The following USP14 variants were observed in gnomAD, a reference collection of about 807,000 sequenced individuals.
USP14 encodes ubiquitin specific peptidase 14, also known as ubiquitin carboxyl-terminal hydrolase 14.
USP14 carries 38 observed loss-of-function variants against 76.5 expected under a neutral mutation model. The ratio of observed to expected loss-of-function variants is 0.50; its 90% CI spans 0.38 to 0.65. USP14 has a LOEUF of 0.65. Ranked by LOEUF, USP14 falls within the 30% of genes least tolerant of loss-of-function variation. The probability of loss-of-function intolerance (pLI) is 0.00; values close to 1 mark genes in which losing one functional copy is unlikely to be tolerated. For missense variants in USP14, 467 were observed against 586.5 expected, an observed-to-expected ratio of 0.80 and a Z score of 2.10; for synonymous variants, 192 against 191.7, an observed-to-expected ratio of 1.00 and a Z score of -0.01.
At position 188,291 on chromosome 18, in the gene USP14, T is replaced by C. The variant is rs76709408; in HGVS notation, c.405-4551T>C. Among the ~76,000 whole-genome samples the C allele has an allele frequency of 3.3e-5, 5 of 152,302 alleles. No homozygotes were observed. In the East Asian group the frequency reaches 9.6e-4, roughly 29 times the overall value. On this transcript the variant is annotated intron_variant, in intron 5 of 15. Transcript: ENST00000261601. ...AAATAAGAAATACATGTTAAAATTA[T>C]CAAATGTTGTTTGTTGACCTAGTAC...
intron 8 of USP14, 138 bp downstream of exon 8, chr18:197,834 T>C: frequency 1.4e-6 from 1 of 715,424 alleles, no homozygotes; most frequent in Non-Finnish European, 2.2e-6. Flanking sequence ...GCTCAATCTG[T>C]AGTCAGAATT....
At chr18:203,421 G>A (rs1037704637) in intron 12 of USP14, among the ~76,000 whole-genome samples, 1 of 151,706 alleles carries the variant, frequency 6.6e-6, no homozygotes, top group Non-Finnish European at 1.5e-5. Flanking sequence ...CCAAACATCT[G>A]GGTAGGTCTT....
intron 2 of USP14, among the ~76,000 whole-genome samples, chr18:164,006 G>A (rs914223760): frequency 3.3e-5 from 5 of 152,090 alleles, no homozygotes; most frequent in African/African-American, 9.7e-5. Flanking sequence ...ATGATCTCCA[G>A]CTCCATCCAT....
Position 210,318 on chromosome 18 carries a change from G to GT in USP14, c.1226-66dup, listed in dbSNP as rs970582104. The stretch of plus-strand genomic sequence containing the variant: ...TAATGTGAACTTTAGAGTTATTCTT[G>GT]TTACTTAGCTTGAGAAGGCACATGT... On this transcript the variant is annotated intron_variant, in intron 14 of 15. Coordinates refer to ENST00000261601, the MANE Select transcript of USP14 (RefSeq NM_005151.4). 78 of 1,142,936 alleles carry GT rather than the reference G, an allele frequency of 6.8e-5. No homozygotes were observed. The African/African-American group carries it at 1.2e-3, about 17-fold the overall frequency. 70.8% of individuals were successfully genotyped at this position (1,142,936 alleles called of 1,614,324 possible).
rs547097664 is a variant in USP14 at position 183,853 on chromosome 18, A to G, written c.404+3514A>G. 1.4e-3 allele frequency among the ~76,000 whole-genome samples: 212 copies of G among 152,038 alleles called. 2 individuals are homozygous for G. The highest frequency in any genetic ancestry group is 4.9e-3 in the African/African-American group (202 of 41,466). On this transcript the variant is annotated intron_variant, in intron 5 of 15. Transcript: ENST00000261601. Reference sequence around the variant, plus strand: ...AAAGGTTGTGTGCTCATATCATGCAACCATATTCTCTTCCTTATGTCCCAG... The same window carrying G: ...AAAGGTTGTGTGCTCATATCATGCAGCCATATTCTCTTCCTTATGTCCCAG...
intron 3 of USP14, among the ~76,000 whole-genome samples, chr18:169,993 G>A (rs1909397453): frequency 6.6e-6 from 1 of 151,898 alleles, no homozygotes; most frequent in Non-Finnish European, 1.5e-5. Flanking sequence ...AGACAGTATT[G>A]AAATTAGGCC....
intron 10 of USP14, among the ~76,000 whole-genome samples, chr18:201,701 G>A (rs1335099205): frequency 1.3e-5 from 2 of 152,164 alleles, no homozygotes; most frequent in African/African-American, 4.8e-5. Context: ...AGAGTGTGGA[G>A]TGGAGTGCTT....
rs1037518650 is a variant in USP14 at position 158,668 on chromosome 18, C to T, written c.-31C>T. The T allele has an allele frequency of 1.3e-6, 2 of 1,520,304 alleles. No homozygotes were observed. The highest frequency in any genetic ancestry group is 2.0e-5 in the Admixed American group (1 of 50,356). The allele number at this position is 1,520,304 out of a possible 1,614,324, so 94.2% of individuals were successfully genotyped here. A position where few individuals can be genotyped will look rare whatever the true frequency, so the allele number is the denominator to read the frequency against. On this transcript the variant is annotated 5_prime_UTR_variant, in exon 1 of 16. Coordinates refer to ENST00000261601, the MANE Select transcript of USP14 (RefSeq NM_005151.4). ...TGCCGCCCTCGTCAGGCCCAGCTCT[C>T]CTGCGCCGCCGCCTCCCGCCGCGCC...
chr18:205,408 C>G (rs1010932607), intron 13 of USP14, among the ~76,000 whole-genome samples: 3 of 152,186 alleles, frequency 2.0e-5, no homozygotes, highest in Non-Finnish European at 4.4e-5. Context: ...CACAGGGCCA[C>G]TTTTCTTCTG....
Position 211,379 on chromosome 18 carries a change from G to A in USP14, c.*95G>A. 1 of 1,363,300 alleles carries A rather than the reference G, an allele frequency of 7.3e-7. No homozygotes were observed. Among genetic ancestry groups the A allele is most frequent in the Non-Finnish European group, 9.9e-7 (1 of 1,010,630 alleles). 84.5% of individuals were successfully genotyped at this position (1,363,300 alleles called of 1,614,324 possible). A position where few individuals can be genotyped will look rare whatever the true frequency, so the allele number is the denominator to read the frequency against. ...GCTTTAGAGGAAGACACATAGGTGG[G>A]TTTATGTTTCACCTCATTTGGAACA... On this transcript the variant is annotated 3_prime_UTR_variant, in exon 16 of 16. Coordinates refer to ENST00000261601, the MANE Select transcript of USP14 (RefSeq NM_005151.4).
chr18:197,595 T>C lies in USP14; in HGVS notation c.595-21T>C, dbSNP rs368715697. The C allele has an allele frequency of 6.9e-6, 11 of 1,592,352 alleles. No individual in the cohort carries two copies. The African/African-American group carries it at 9.4e-5, about 14-fold the overall frequency. ...TCATTCACTGCCAGGATTACTTACTTTGTCTTTTTTTACATTACAGGATGC... is the reference window on the plus strand; with the variant it reads ...TCATTCACTGCCAGGATTACTTACTCTGTCTTTTTTTACATTACAGGATGC... On this transcript the variant is annotated intron_variant, in intron 7 of 15. Coordinates refer to ENST00000261601, the MANE Select transcript of USP14 (RefSeq NM_005151.4).
Position 191,525 on chromosome 18 carries a change from A to G in USP14, c.405-1317A>G, listed in dbSNP as rs576748458. Among the ~76,000 whole-genome samples the G allele has an allele frequency of 8.5e-5, 13 of 152,356 alleles. No homozygotes were observed. In the South Asian group the frequency reaches 2.7e-3, roughly 32 times the overall value. On this transcript the variant is annotated intron_variant, in intron 5 of 15. Coordinates refer to ENST00000261601, the MANE Select transcript of USP14 (RefSeq NM_005151.4). Reference sequence around the variant, plus strand: ...GTAATCCATTTGCCTATCAAAGTATAGAACATTTCTATCATCTCAGAAAAT... The same window carrying G: ...GTAATCCATTTGCCTATCAAAGTATGGAACATTTCTATCATCTCAGAAAAT...
intron 13 of USP14, 143 bp downstream of exon 13, chr18:204,835 A>G: frequency 1.1e-6 from 1 of 883,306 alleles, no homozygotes; most frequent in South Asian, 1.9e-5. Context: ...TCTGTATTAC[A>G]ATTAGCAGGT....
At chr18:188,396 T>G (rs1469210963) in intron 5 of USP14, among the ~76,000 whole-genome samples, 2 of 152,102 alleles carry the variant, frequency 1.3e-5, no homozygotes, top group Admixed American at 6.5e-5. Flanking sequence ...CCTGATACAT[T>G]CGTATTCTTT....
chr18:202,076 A>G (rs1231756812), intron 10 of USP14, among the ~76,000 whole-genome samples: 1 of 152,230 alleles, frequency 6.6e-6, no homozygotes, highest in Non-Finnish European at 1.5e-5. Flanking sequence ...AAACATTACC[A>G]GTAGGTTATT....
chr18:209,372 GT>G (rs898046938), intron 13 of USP14, among the ~76,000 whole-genome samples: 22 of 152,144 alleles, frequency 1.4e-4, no homozygotes, highest in African/African-American at 5.3e-4. Context: ...AAAGAACTTT[GT>G]GCTGTATTCC....
chr18:208,859 C>A (rs1910596698), intron 13 of USP14, among the ~76,000 whole-genome samples: 1 of 152,140 alleles, frequency 6.6e-6, no homozygotes, highest in East Asian at 1.9e-4. Flanking sequence ...AATTCTCATG[C>A]CTCAGCGTCC....
intron 8 of USP14, 36 bp from the exon 9 acceptor site, chr18:198,011 T>C: frequency 6.5e-7 from 1 of 1,538,666 alleles, no homozygotes. Flanking sequence ...CATTAATATT[T>C]ATATAAAGTT....
chr18:196,369 A>G (rs533292432), intron 6 of USP14, among the ~76,000 whole-genome samples: 2 of 151,736 alleles, frequency 1.3e-5, no homozygotes, highest in East Asian at 3.9e-4. Context: ...AAAAAAATAC[A>G]AAAAATTAGC....
Sources: gnomAD v4.1 joint callset for allele counts (sites outside exome capture counted in the v4.1 genomes callset) on GRCh38, gnomAD v4.1.1 for gene constraint, MANE v1.5 for transcripts, NCBI Gene and HGNC (gene_info 2026-07-23, HGNC 2026-07-21) for gene names.